SEPTIN9: variants seen among roughly 807,000 people sequenced by gnomAD.
SEPTIN9 encodes septin 9, also known as septin-9.
Under a neutral mutation model 56.6 loss-of-function variants are expected in SEPTIN9, and 13 were observed. The observed-to-expected ratio is 0.23, with a 90% confidence interval of 0.15 to 0.37. SEPTIN9 has a LOEUF of 0.37. Among genes scored for constraint, SEPTIN9 ranks in the 10% least tolerant of loss-of-function variants. SEPTIN9 has a pLI of 1.00. For missense variants in SEPTIN9, 650 were observed against 823.1 expected (o/e 0.79, Z 2.57); for synonymous variants, 332 against 334.1 (o/e 0.99, Z 0.07).
chr17:77,451,321 C>A lies in SEPTIN9; in HGVS notation c.722-30823C>A. On this transcript the variant is annotated intron_variant, in intron 3 of 11. Transcript: ENST00000427177. The surrounding 1 kb of genome is among the most constrained non-coding windows in gnomAD (Gnocchi z 4.2). ...GCCTGCCCCCTCCTCCTGCTCCCCT[C>A]GCCCTGCCCCCTTGGAGCAATTCCC... The A allele has an allele frequency of 1.0e-6, 1 of 977,062 alleles. No homozygotes were observed. Among genetic ancestry groups the A allele is most frequent in the Non-Finnish European group, 1.2e-6 (1 of 821,890 alleles). 60.5% of individuals were successfully genotyped at this position (977,062 alleles called of 1,614,324 possible). A position where few individuals can be genotyped will look rare whatever the true frequency, so the allele number is the denominator to read the frequency against.
chr17:77,493,650 C>T (rs2040129499), intron 10 of SEPTIN9, among the ~76,000 whole-genome samples: 1 of 152,160 alleles, frequency 6.6e-6, no homozygotes, highest in South Asian at 2.1e-4. Context: ...ATGCCTTCCT[C>T]CTTCTGGTGG....
chr17:77,481,155 G>A (rs2039438988), intron 3 of SEPTIN9, among the ~76,000 whole-genome samples: 1 of 152,216 alleles, frequency 6.6e-6, no homozygotes, highest in Admixed American at 6.5e-5. Context: ...GCGTCTTCCG[G>A]GCGTCCGCCC....
Position 77,439,857 on chromosome 17 carries a change from C to T in SEPTIN9, c.721+37154C>T, listed in dbSNP as rs546541420. Reference sequence around the variant, plus strand: ...TGGAAGCTGGGCCTCTTTGGGGACTCATTAAGAAGGGCCTTGCCGAGTGCT... The same window carrying T: ...TGGAAGCTGGGCCTCTTTGGGGACTTATTAAGAAGGGCCTTGCCGAGTGCT... On this transcript the variant is annotated intron_variant, in intron 3 of 11. Transcript: ENST00000427177. 9.2e-5 allele frequency among the ~76,000 whole-genome samples: 14 copies of T among 152,348 alleles called. No homozygotes were observed. The South Asian group carries it at 1.7e-3, about 18-fold the overall frequency.
chr17:77,364,102 G>A (rs577796289), intron 2 of SEPTIN9, among the ~76,000 whole-genome samples: 3 of 152,298 alleles, frequency 2.0e-5, no homozygotes, highest in African/African-American at 4.8e-5. Context: ...TCTGGCTGCC[G>A]GCTGGCTTCC....
intron 1 of SEPTIN9, among the ~76,000 whole-genome samples, chr17:77,288,806 C>T (rs924150503): frequency 3.3e-5 from 5 of 152,096 alleles, no homozygotes; most frequent in South Asian, 4.1e-4. Flanking sequence ...GTCGGGCTGT[C>T]GGGTTATTGC....
chr17:77,496,982 T>C lies in SEPTIN9; in HGVS notation c.1574-333T>C. 5 of 409,142 alleles carry C rather than the reference T, an allele frequency of 1.2e-5. No homozygotes were observed. The South Asian group carries it at 1.2e-4, about 10-fold the overall frequency. 25.3% of individuals were successfully genotyped at this position (409,142 alleles called of 1,614,324 possible). Reference sequence around the variant, plus strand: ...TCACCCCAGTGGTGCGGGGGCCCACTGCCCTGGCTTCTCCACTGTGGCTTC... The same window carrying C: ...TCACCCCAGTGGTGCGGGGGCCCACCGCCCTGGCTTCTCCACTGTGGCTTC... On this transcript the variant is annotated intron_variant, in intron 10 of 11. Transcript: ENST00000427177.
At chr17:77,338,863 C>T (rs1008326165) in intron 2 of SEPTIN9, among the ~76,000 whole-genome samples, 8 of 152,206 alleles carry the variant, frequency 5.3e-5, no homozygotes, top group East Asian at 3.8e-4. Flanking sequence ...ACCCTGGCCA[C>T]GGATTGATCA....
intron 7 of SEPTIN9, among the ~76,000 whole-genome samples, chr17:77,489,920 C>T (rs2039952911): frequency 1.3e-5 from 2 of 152,354 alleles, no homozygotes; most frequent in South Asian, 2.1e-4. Context: ...CAAGCTTTGC[C>T]TCAGCTGAGG....
chr17:77,394,693 C>G (rs1483774198), intron 2 of SEPTIN9, among the ~76,000 whole-genome samples: 2 of 152,174 alleles, frequency 1.3e-5, no homozygotes, highest in African/African-American at 4.8e-5. Flanking sequence ...CCTCCCCAGA[C>G]TGAGGCCTGA....
chr17:77,333,208 G>C (rs2033427219), intron 2 of SEPTIN9, among the ~76,000 whole-genome samples: 1 of 152,210 alleles, frequency 6.6e-6, no homozygotes, highest in African/African-American at 2.4e-5. Context: ...GCTTTGGCCT[G>C]ATGACTAATG....
At position 77,319,960 on chromosome 17, in the gene SEPTIN9, C is replaced by T. The variant is rs1404316602; in HGVS notation, c.76+12763C>T. 1.0e-5 allele frequency: 12 copies of T among 1,177,584 alleles called. No individual in the cohort carries two copies. In the South Asian group the frequency reaches 1.6e-4, roughly 16 times the overall value. The allele number at this position is 1,177,584 out of a possible 1,614,324, so 72.9% of individuals were successfully genotyped here. A position where few individuals can be genotyped will look rare whatever the true frequency, so the allele number is the denominator to read the frequency against. On this transcript the variant is annotated intron_variant, in intron 2 of 11. Coordinates refer to ENST00000427177, the MANE Select transcript of SEPTIN9 (RefSeq NM_001113491.2). The surrounding 1 kb of genome is among the most constrained non-coding windows in gnomAD (Gnocchi z 5.3). The stretch of plus-strand genomic sequence containing the variant: ...GCAGCCACCGACCAGACCGGGCGGC[C>T]GGGACTCTGGGACTCTCGCAGGCAG...
intron 2 of SEPTIN9, chr17:77,376,876 C>G (rs1273734745): frequency 6.6e-6 from 1 of 152,562 alleles, no homozygotes; most frequent in South Asian, 2.1e-4. Flanking sequence ...CTTTTCCTTC[C>G]CCGCCTGTCC....
chr17:77,482,347 C>G lies in SEPTIN9; in HGVS notation c.913+12C>G. On this transcript the variant is annotated intron_variant, in intron 4 of 11. Transcript: ENST00000427177. ...CATCATGGTGGTCGGTGAGTCCTCA[C>G]CTTGCATGCCACTCAACCAATGCCG... The G allele has an allele frequency of 6.2e-7, 1 of 1,610,034 alleles. No individual in the cohort carries two copies. The highest frequency in any genetic ancestry group is 8.5e-7 in the Non-Finnish European group (1 of 1,179,622).
chr17:77,466,152 T>C (rs1004225911), intron 3 of SEPTIN9, among the ~76,000 whole-genome samples: 1 of 151,386 alleles, frequency 6.6e-6, no homozygotes, highest in African/African-American at 2.4e-5. Flanking sequence ...GTGCCCACTT[T>C]AAACCACCAC....
rs1488773235 is a variant in SEPTIN9 at position 77,360,635 on chromosome 17, G to A, written c.77-41424G>A. Among the ~76,000 whole-genome samples, 12 of 151,454 alleles carry A rather than the reference G, an allele frequency of 7.9e-5. 1 individual carries two copies. Among genetic ancestry groups the A allele is most frequent in the Non-Finnish European group, 1.8e-4 (12 of 67,926 alleles). On this transcript the variant is annotated intron_variant, in intron 2 of 11. Coordinates refer to ENST00000427177, the MANE Select transcript of SEPTIN9 (RefSeq NM_001113491.2). Reference sequence around the variant, plus strand: ...GCTGGCGTGGAGTGATGCGATCTCCGCTCACTGCAAGCTCCGCCTCCCTGG... The same window carrying A: ...GCTGGCGTGGAGTGATGCGATCTCCACTCACTGCAAGCTCCGCCTCCCTGG...
intron 8 of SEPTIN9, among the ~76,000 whole-genome samples, chr17:77,491,928 C>T (rs936669665): frequency 6.6e-6 from 1 of 151,880 alleles, no homozygotes; most frequent in Non-Finnish European, 1.5e-5. Flanking sequence ...CAGCCCTGGG[C>T]TCTTCCTCCT....
intron 1 of SEPTIN9, among the ~76,000 whole-genome samples, chr17:77,297,875 A>G (rs1424937396): frequency 6.6e-6 from 1 of 152,218 alleles, no homozygotes; most frequent in Non-Finnish European, 1.5e-5. Flanking sequence ...CTGCTTTGGA[A>G]TGAGTGGTGA....
In SEPTIN9 at chr17:77,437,341, A is replaced by AC. The variant is rs552661627; in HGVS notation, c.721+34643dup. Among the ~76,000 whole-genome samples, 340 of 151,726 alleles carry AC rather than the reference A, an allele frequency of 2.2e-3. 8 individuals are homozygous for AC. In the South Asian group the frequency reaches 0.055, roughly 25 times the overall value. Reference sequence around the variant, plus strand: ...TGGAGCACCGACCCCTCCCTTCTACACCCCCACCCCACGCCCCCAGGAGCT... The same window carrying AC: ...TGGAGCACCGACCCCTCCCTTCTACACCCCCCACCCCACGCCCCCAGGAGCT... On this transcript the variant is annotated intron_variant, in intron 3 of 11. Coordinates refer to ENST00000427177, the MANE Select transcript of SEPTIN9 (RefSeq NM_001113491.2). The surrounding 1 kb of genome is among the most constrained non-coding windows in gnomAD (Gnocchi z 5.3).
At chr17:77,295,113 A>T (rs2031751721) in intron 1 of SEPTIN9, among the ~76,000 whole-genome samples, 1 of 152,230 alleles carries the variant, frequency 6.6e-6, no homozygotes, top group Admixed American at 6.5e-5. Flanking sequence ...TGTGACGGGC[A>T]GGAACTCAAG....
Sources: allele counts gnomAD v4.1 joint callset (sites outside exome capture counted in the v4.1 genomes callset), GRCh38; gene constraint gnomAD v4.1.1; non-coding constraint Gnocchi (gnomAD v3.1); transcripts MANE v1.5; gene names NCBI Gene and HGNC (gene_info 2026-07-23, HGNC 2026-07-21).